Variants in PPARG observed in about 807,000 individuals in gnomAD.
The protein encoded by PPARG is peroxisome proliferator-activated receptor gamma.
In PPARG, 17 loss-of-function variants were observed where a neutral mutation model predicts 39.2. The ratio of observed to expected loss-of-function variants is 0.43; its 90% CI spans 0.30 to 0.65. The LOEUF (loss-of-function observed/expected upper bound fraction) is 0.65, where lower values mean the gene tolerates loss of function less well. PPARG is among the 30% of genes least tolerant of loss of function. The pLI, the probability that PPARG is intolerant of heterozygous loss-of-function variation, is 0.13. For synonymous variants in PPARG, 223 were observed against 215.7 expected, an observed-to-expected ratio of 1.03 and a Z score of -0.30; for missense variants, 406 against 585.9, an observed-to-expected ratio of 0.69 and a Z score of 3.17.
intron 2 of PPARG, among the ~76,000 whole-genome samples, chr3:12,350,788 T>C (rs2048462995): frequency 6.6e-6 from 1 of 152,198 alleles, no homozygotes; most frequent in Non-Finnish European, 1.5e-5. Flanking sequence ...AAACATCAAT[T>C]GATGTTCAAA....
rs75964460 is a variant in PPARG, at chr3:12,420,962, A to G, written c.1180+3808A>G. 2.6e-3 allele frequency among the ~76,000 whole-genome samples: 391 copies of G among 152,304 alleles called. 2 individuals carry two copies. Among genetic ancestry groups the G allele is most frequent in the African/African-American group, 8.7e-3 (362 of 41,564 alleles). The stretch of plus-strand genomic sequence containing the variant: ...GACTAAATGAAAGGAACAGCAACCT[A>G]TTCTAGAACCAAAGTTCAGGACTTG... On this transcript the variant is annotated intron_variant, in intron 7 of 7. Coordinates refer to ENST00000651735, the MANE Select transcript of PPARG (RefSeq NM_138711.6).
chr3:12,333,185 A>C (rs2047910750), intron 2 of PPARG, among the ~76,000 whole-genome samples: 1 of 152,222 alleles, frequency 6.6e-6, no homozygotes, highest in South Asian at 2.1e-4. Context: ...TTTTAAATGT[A>C]GTTCAGGGAG....
In PPARG at chr3:12,399,984, TA is replaced by T. The variant is rs79659234; in HGVS notation, c.530-5882del. ...GCGTGATCGAGAAAGACCCTGTCTC[TA>T]AAAAAAAAAAAAAAATTTTAAAGAG... On this transcript the variant is annotated intron_variant, in intron 5 of 7. Transcript: ENST00000651735. Among the ~76,000 whole-genome samples the T allele has an allele frequency of 6.4e-3, 878 of 137,534 alleles. 2 individuals carry two copies. Among genetic ancestry groups the T allele is most frequent in the Non-Finnish European group, 5.7e-3 (359 of 62,920 alleles). The allele number at this position is 137,534 out of a possible 152,430, so 90.2% of individuals were successfully genotyped here. A position where few individuals can be genotyped will look rare whatever the true frequency, so the allele number is the denominator to read the frequency against.
chr3:12,373,040 T>C (rs1222694493), intron 2 of PPARG, among the ~76,000 whole-genome samples: 2 of 152,188 alleles, frequency 1.3e-5, no homozygotes, highest in African/African-American at 4.8e-5. Flanking sequence ...AGGGCTGTTG[T>C]TCATGCAAAT....
rs1297676442 is a variant in PPARG, at chr3:12,355,140, C to CT, written c.-8-24554dup. Among the ~76,000 whole-genome samples, 80 of 148,812 alleles carry CT rather than the reference C, an allele frequency of 5.4e-4. 1 individual carries two copies. The highest frequency in any genetic ancestry group is 1.3e-3 in the African/African-American group (54 of 40,720). ...GATTTGAGTTATTGACACAGATCTT[C>CT]TTTTTTTTTTGAGACAGAGCCTCAC... On this transcript the variant is annotated intron_variant, in intron 2 of 7. Transcript: ENST00000651735.
chr3:12,399,881 T>C (rs1232455988), intron 5 of PPARG, among the ~76,000 whole-genome samples: 7 of 150,404 alleles, frequency 4.7e-5, no homozygotes, highest in Non-Finnish European at 1.5e-5. Flanking sequence ...GCCCAGCCAC[T>C]TGGGAGGCTG....
At chr3:12,395,835 TAG>T (rs2050237863) in intron 5 of PPARG, among the ~76,000 whole-genome samples, 1 of 152,170 alleles carries the variant, frequency 6.6e-6, no homozygotes, top group Admixed American at 6.5e-5. Context: ...ACACTGCCCT[TAG>T]AGGAAAGCTC....
chr3:12,401,703 C>T (rs1382802344), intron 5 of PPARG, among the ~76,000 whole-genome samples: 1 of 151,652 alleles, frequency 6.6e-6, no homozygotes, highest in Non-Finnish European at 1.5e-5. Flanking sequence ...TTTAGTCTCA[C>T]CAAATGGGAT....
chr3:12,339,667 A>G (rs1170221757), intron 2 of PPARG, among the ~76,000 whole-genome samples: 1 of 152,186 alleles, frequency 6.6e-6, no homozygotes, highest in Non-Finnish European at 1.5e-5. Flanking sequence ...CACTGACTGT[A>G]CTTGGGCAAG....
chr3:12,289,876 T>C (rs2046606003), intron 1 of PPARG, among the ~76,000 whole-genome samples: 1 of 152,200 alleles, frequency 6.6e-6, no homozygotes, highest in Non-Finnish European at 1.5e-5. Context: ...TTTTGTGTAG[T>C]ATATTTTCAA....
chr3:12,376,855 A>G (rs1221508887), intron 2 of PPARG, among the ~76,000 whole-genome samples: 1 of 152,200 alleles, frequency 6.6e-6, no homozygotes, highest in African/African-American at 2.4e-5. Context: ...CAGTGGGGAT[A>G]TGACTGCAAA....
chr3:12,315,917 C>T (rs1377504969), intron 2 of PPARG, among the ~76,000 whole-genome samples: 1 of 152,118 alleles, frequency 6.6e-6, no homozygotes, highest in Non-Finnish European at 1.5e-5. Flanking sequence ...CTTGATCCAC[C>T]AATCATCATT....
At chr3:12,352,562 C>A (rs1344528229) in intron 2 of PPARG, among the ~76,000 whole-genome samples, 2 of 152,074 alleles carry the variant, frequency 1.3e-5, no homozygotes, top group East Asian at 3.9e-4. Flanking sequence ...TTCTCAGATT[C>A]TGTGTAAAAA....
At chr3:12,291,416 G>A (rs567667888) in intron 1 of PPARG, among the ~76,000 whole-genome samples, 1 of 152,256 alleles carries the variant, frequency 6.6e-6, no homozygotes, top group Admixed American at 6.5e-5. Flanking sequence ...TAGTTTCATA[G>A]CGTTCTAAAT....
chr3:12,417,224 A>G, intron 7 of PPARG, 70 bp downstream of exon 7: 1 of 1,483,092 alleles, frequency 6.7e-7, no homozygotes, highest in South Asian at 1.2e-5. Flanking sequence ...AGAATTTTGG[A>G]TTTCCTTAGT....
chr3:12,290,800 A>G (rs2046629429), intron 1 of PPARG, among the ~76,000 whole-genome samples: 1 of 152,208 alleles, frequency 6.6e-6, no homozygotes, highest in Non-Finnish European at 1.5e-5. Context: ...TGGAACATAT[A>G]CAAGTATTAA....
At chr3:12,350,512 G>A (rs1244439246) in intron 2 of PPARG, among the ~76,000 whole-genome samples, 2 of 152,152 alleles carry the variant, frequency 1.3e-5, no homozygotes, top group African/African-American at 4.8e-5. Context: ...GTGTGGGGGC[G>A]TCTTTGAAAG....
At position 12,429,132 on chromosome 3, in the gene PPARG, T is replaced by G. The variant is rs570139620; in HGVS notation, c.1181-4766T>G. ...CAATGGGACTGATCTGTAAATGATC[T>G]AACTTGTCATTGCAGAAAATATACT... On this transcript the variant is annotated intron_variant, in intron 7 of 7. Coordinates refer to ENST00000651735, the MANE Select transcript of PPARG (RefSeq NM_138711.6). Among the ~76,000 whole-genome samples the G allele has an allele frequency of 2.6e-5, 4 of 152,302 alleles. No individual in the cohort carries two copies. The South Asian group carries it at 8.3e-4, about 32-fold the overall frequency.
chr3:12,374,584 G>C (rs974474575), intron 2 of PPARG, among the ~76,000 whole-genome samples: 9 of 152,076 alleles, frequency 5.9e-5, no homozygotes. Flanking sequence ...GGGTGACAGA[G>C]CGAGACTCCA....
Sources: gnomAD v4.1 joint callset for allele counts (sites outside exome capture counted in the v4.1 genomes callset) on GRCh38, gnomAD v4.1.1 for gene constraint, MANE v1.5 for transcripts, NCBI Gene and HGNC (gene_info 2026-07-23, HGNC 2026-07-21) for gene names.